Variants in TRIP11 observed in about 807,000 individuals in gnomAD.
The protein encoded by TRIP11 is thyroid hormone receptor interactor 11, also known as thyroid receptor-interacting protein 11.
In TRIP11, 148 loss-of-function variants were observed where a neutral mutation model predicts 223.1. That is an observed-to-expected ratio of 0.66 (90% CI 0.58 to 0.76). TRIP11 has a LOEUF of 0.76. Among genes scored for constraint, TRIP11 ranks in the 30% least tolerant of loss-of-function variants. TRIP11 has a pLI of 0.00. For missense variants in TRIP11, 2,043 were observed against 2,222.0 expected, an observed-to-expected ratio of 0.92 and a Z score of 1.62; for synonymous variants, 762 against 772.6, an observed-to-expected ratio of 0.99 and a Z score of 0.23.
At chr14:91,987,690 T>A (rs191272843) in intron 16 of TRIP11, among the ~76,000 whole-genome samples, 4 of 152,180 alleles carry the variant, frequency 2.6e-5, no homozygotes, top group South Asian at 2.1e-4. Flanking sequence ...GGATATGCCA[T>A]CTTTGTCAGC....
At chr14:92,027,142 T>C (rs537514242) in intron 2 of TRIP11, among the ~76,000 whole-genome samples, 1 of 152,036 alleles carries the variant, frequency 6.6e-6, no homozygotes, top group East Asian at 1.9e-4. Flanking sequence ...AAAAAGGAAA[T>C]TTGTATTTTT....
At chr14:91,982,475 G>T (rs1477456612) in intron 16 of TRIP11, among the ~76,000 whole-genome samples, 2 of 152,078 alleles carry the variant, frequency 1.3e-5, no homozygotes, top group Non-Finnish European at 2.9e-5. Context: ...AAAAGGGAGA[G>T]GGGGAGAAGG....
At position 92,021,718 on chromosome 14, in the gene TRIP11, T is replaced by C. The variant is rs760324612; in HGVS notation, c.426A>G (p.Ala142=). 2 of 1,614,180 alleles carry C rather than the reference T, an allele frequency of 1.2e-6. No homozygotes were observed. The highest frequency in any genetic ancestry group is 1.7e-5 in the Admixed American group (1 of 60,020). Residue 142 remains alanine, a synonymous_variant, in exon 4 of 21, where the codon GCA becomes GCG. Transcript: ENST00000267622. ...PSGAGVPATT[A]SSSFAYGISH... is the part of the protein sequence containing the mutation. ...TAATCCCATAAGCGAATGAAGATGA[T>C]GCAGTGGTTGCTGGTACACCAGCTC...
chr14:92,032,149 T>C (rs768049171), intron 2 of TRIP11, among the ~76,000 whole-genome samples: 16 of 152,084 alleles, frequency 1.1e-4, no homozygotes, highest in Non-Finnish European at 1.9e-4. Context: ...TATTCCTGTA[T>C]CCTTTTTTTC....
rs371957421 is a variant in TRIP11, at chr14:92,029,979, C to T, written c.201+3213G>A. 5.3e-4 allele frequency among the ~76,000 whole-genome samples: 81 copies of T among 152,064 alleles called. 1 individual carries two copies. The highest frequency in any genetic ancestry group is 1.7e-3 in the African/African-American group (71 of 41,518). The stretch of plus-strand genomic sequence containing the variant: ...TTGGGAGGCCGAGGCGGGCGGATCA[C>T]GAGGTCAGGAGATCGAGACCATCCC... On this transcript the variant is annotated intron_variant, in intron 2 of 20. Transcript: ENST00000267622.
At chr14:92,009,096 A>C (rs1350877893) in intron 9 of TRIP11, among the ~76,000 whole-genome samples, 1 of 152,208 alleles carries the variant, frequency 6.6e-6, no homozygotes, top group Non-Finnish European at 1.5e-5. Context: ...GCATTCTCTT[A>C]AGTCTTTCTA....
Position 92,014,452 on chromosome 14 carries a change from C to A in TRIP11, c.949G>T (p.Asp317Tyr), listed in dbSNP as rs760730045. 1 of 1,599,536 alleles carries A rather than the reference C, an allele frequency of 6.3e-7. No homozygotes were observed. The highest frequency in any genetic ancestry group is 8.5e-7 in the Non-Finnish European group (1 of 1,174,410). ...KMEQLEDKIK[D>Y]INKKLSSAEN... ...GCAGAAGATAATTTTTTATTTATAT[C>A]TTTTATTTTATCCTCAAGTTGTTCC... The change falls in exon 7 of 21, where the codon GAT (aspartate) becomes TAT (tyrosine). Residue 317 changes from aspartate to tyrosine, a missense_variant. Transcript: ENST00000267622.
intron 16 of TRIP11, among the ~76,000 whole-genome samples, chr14:91,984,461 A>G (rs913588842): frequency 6.6e-6 from 1 of 151,788 alleles, no homozygotes; most frequent in African/African-American, 2.4e-5. Context: ...GACTACAGGC[A>G]TGAGCCACCA....
rs1186513556 is a variant in TRIP11 at position 91,995,473 on chromosome 14, C to G, written c.4935G>C (p.Leu1645Phe). Residue 1645 changes from leucine (L) to phenylalanine (F), a missense_variant, in exon 14 of 21, where the codon TTG (leucine) becomes TTC (phenylalanine). Leu to Phe is a conservative substitution (Grantham distance 22). Coordinates refer to ENST00000267622, the MANE Select transcript of TRIP11 (RefSeq NM_004239.4). ...SVQVESLQEQ[L>F]NVVSKQRDET... Reference sequence around the variant, plus strand: ...CATCCCTTTGCTTGGAAACTACATTCAACTGTTCTTGCAATGACTCTACCT... The same window carrying G: ...CATCCCTTTGCTTGGAAACTACATTGAACTGTTCTTGCAATGACTCTACCT... The G allele has an allele frequency of 1.9e-6, 3 of 1,613,972 alleles. No individual in the cohort carries two copies. The highest frequency in any genetic ancestry group is 2.5e-6 in the Non-Finnish European group (3 of 1,180,016).
At position 91,976,307 on chromosome 14, in the gene TRIP11, T is replaced by C. The variant is rs951901441; in HGVS notation, c.5261-118A>G. On this transcript the variant is annotated intron_variant, in intron 16 of 20. Transcript: ENST00000267622. ...CTCTGAATATATACACTTATTCTAATTGGGAATATTCAATAACTTCTATCT... is the reference window on the plus strand; with the variant it reads ...CTCTGAATATATACACTTATTCTAACTGGGAATATTCAATAACTTCTATCT... 1.5e-5 allele frequency: 13 copies of C among 862,746 alleles called. No homozygotes were observed. The African/African-American group carries it at 2.0e-4, about 13-fold the overall frequency. 53.4% of individuals were successfully genotyped at this position (862,746 alleles called of 1,614,324 possible).
At chr14:91,983,433 C>T (rs895985285) in intron 16 of TRIP11, among the ~76,000 whole-genome samples, 3 of 152,130 alleles carry the variant, frequency 2.0e-5, no homozygotes, top group Non-Finnish European at 4.4e-5. Flanking sequence ...CTCATCCATA[C>T]ATAAAGAAAT....
At chr14:92,009,492 T>A (rs1398801139) in intron 9 of TRIP11, among the ~76,000 whole-genome samples, 2 of 152,114 alleles carry the variant, frequency 1.3e-5, no homozygotes, top group African/African-American at 4.8e-5. Flanking sequence ...GCCAGGTAAG[T>A]GCAGAGAGTT....
At position 91,969,651 on chromosome 14, in the gene TRIP11, T is replaced by C; in HGVS notation, c.*22A>G. On this transcript the variant is annotated 3_prime_UTR_variant, in exon 21 of 21. Coordinates refer to ENST00000267622, the MANE Select transcript of TRIP11 (RefSeq NM_004239.4). Reference sequence around the variant, plus strand: ...TTCATGGTTTCTTTAAAGTGCTAGATTGTCTCTGGCTTGAGAATCATCTAT... The same window carrying C: ...TTCATGGTTTCTTTAAAGTGCTAGACTGTCTCTGGCTTGAGAATCATCTAT... The C allele has an allele frequency of 6.2e-7, 1 of 1,610,378 alleles. No homozygotes were observed. Among genetic ancestry groups the C allele is most frequent in the Non-Finnish European group, 8.5e-7 (1 of 1,178,288 alleles).
At chr14:92,028,413 C>T (rs181723393) in intron 2 of TRIP11, among the ~76,000 whole-genome samples, 63 of 152,132 alleles carry the variant, frequency 4.1e-4, no homozygotes, top group African/African-American at 1.5e-3. Flanking sequence ...ATTAGCTGGG[C>T]ATGTTGGCTT....
intron 7 of TRIP11, among the ~76,000 whole-genome samples, chr14:92,012,330 C>A (rs2056982758): frequency 6.6e-6 from 1 of 152,114 alleles, no homozygotes; most frequent in African/African-American, 2.4e-5. Context: ...CAGCTGAAAT[C>A]ATTGATTCAA....
At chr14:92,007,370 T>C (rs529276916) in intron 10 of TRIP11, among the ~76,000 whole-genome samples, 1 of 152,336 alleles carries the variant, frequency 6.6e-6, no homozygotes, top group South Asian at 2.1e-4. Context: ...CAACGAACTA[T>C]AGCCATTGGC....
At chr14:91,998,711 A>G (rs2056782262) in intron 13 of TRIP11, among the ~76,000 whole-genome samples, 1 of 151,922 alleles carries the variant, frequency 6.6e-6, no homozygotes, top group African/African-American at 2.4e-5. Flanking sequence ...AAAACAAGAA[A>G]AAAGTTTTCT....
intron 13 of TRIP11, among the ~76,000 whole-genome samples, chr14:91,996,442 CA>C (rs1475028002): frequency 6.6e-6 from 1 of 152,090 alleles, no homozygotes; most frequent in Non-Finnish European, 1.5e-5. Context: ...TTTGAGAGGC[CA>C]AGGCAAAAGG....
chr14:91,982,741 A>G (rs1274367737), intron 16 of TRIP11, among the ~76,000 whole-genome samples: 1 of 152,242 alleles, frequency 6.6e-6, no homozygotes, highest in Non-Finnish European at 1.5e-5. Context: ...GGCGGAGCTG[A>G]GAATCTGCTG....
Sources: allele counts gnomAD v4.1 joint callset (sites outside exome capture counted in the v4.1 genomes callset), GRCh38; gene constraint gnomAD v4.1.1; transcripts MANE v1.5; gene names NCBI Gene and HGNC (gene_info 2026-07-23, HGNC 2026-07-21).